Variants in INO80 observed in about 807,000 individuals in gnomAD.
The protein encoded by INO80 is chromatin-remodeling ATPase INO80.
Under a neutral mutation model 203.4 loss-of-function variants are expected in INO80, and 20 were observed. That is an observed-to-expected ratio of 0.10 (90% CI 0.07 to 0.14). The LOEUF is 0.14. Ranked by LOEUF, INO80 falls within the 10% of genes least tolerant of loss-of-function variation. INO80 has a pLI of 1.00. For missense variants in INO80, 1,419 were observed against 1,914.4 expected, an observed-to-expected ratio of 0.74 and a Z score of 4.83; for synonymous variants, 726 against 685.2, an observed-to-expected ratio of 1.06 and a Z score of -0.93.
At position 40,983,222 on chromosome 15, in the gene INO80, T is replaced by C. The variant is rs111853890; in HGVS notation, c.4238-145A>G. On this transcript the variant is annotated intron_variant, in intron 34 of 35. Transcript: ENST00000648947. ...TGAGGAGGTCTATGTCTCCACTTAA[T>C]GATGGCTAGACCACTGAGTCACACA... is the stretch of plus-strand genomic sequence containing the variant. 625 of 619,568 alleles carry C rather than the reference T, an allele frequency of 1.0e-3. 6 individuals are homozygous for C. The highest frequency in any genetic ancestry group is 9.8e-3 in the African/African-American group (532 of 54,394). The allele number at this position is 619,568 out of a possible 1,614,324, so 38.4% of individuals were successfully genotyped here.
chr15:41,039,665 T>A (rs1444871352), intron 24 of INO80, among the ~76,000 whole-genome samples: 2 of 152,222 alleles, frequency 1.3e-5, no homozygotes, highest in Non-Finnish European at 2.9e-5. Context: ...CAGTCTACAC[T>A]GGAGATTCAT....
chr15:41,003,057 T>C (rs1030363067), intron 28 of INO80, among the ~76,000 whole-genome samples: 1 of 151,646 alleles, frequency 6.6e-6, no homozygotes, highest in Admixed American at 6.6e-5. Flanking sequence ...GAGGTGGAGG[T>C]TGCAGTGAGC....
chr15:40,987,789 G>A (rs756888006), intron 30 of INO80, 27 bp downstream of exon 30: 13 of 1,602,880 alleles, frequency 8.1e-6, no homozygotes, highest in Non-Finnish European at 1.0e-5. Flanking sequence ...CTCCACCAGT[G>A]TAGGAATTTC....
chr15:41,021,281 T>C (rs758335775), intron 25 of INO80, among the ~76,000 whole-genome samples, 156 bp from the exon 26 acceptor site: 6 of 152,198 alleles, frequency 3.9e-5, no homozygotes, highest in Admixed American at 3.3e-4. Context: ...CCCTAATGAA[T>C]GACTTAGTGA....
At chr15:41,041,328 C>T (rs141161164) in intron 24 of INO80, among the ~76,000 whole-genome samples, 1,712 of 151,558 alleles carry the variant, frequency 0.011, 21 homozygotes, top group Non-Finnish European at 0.015. Flanking sequence ...TGGGCTCAAG[C>T]GATCATCCCG....
intron 28 of INO80, among the ~76,000 whole-genome samples, chr15:41,003,103 G>C (rs977226763): frequency 2.0e-5 from 3 of 151,562 alleles, no homozygotes; most frequent in Non-Finnish European, 1.5e-5. Context: ...CTGGGTGACA[G>C]AGCGAGACTC....
intron 27 of INO80, among the ~76,000 whole-genome samples, chr15:41,013,778 A>G (rs2044164703): frequency 6.6e-6 from 1 of 152,240 alleles, no homozygotes; most frequent in Non-Finnish European, 1.5e-5. Flanking sequence ...AAATAGTTGC[A>G]ACATTTTCTG....
intron 13 of INO80, among the ~76,000 whole-genome samples, chr15:41,070,168 G>A (rs968832085): frequency 6.6e-6 from 1 of 152,242 alleles, no homozygotes; most frequent in Admixed American, 6.5e-5. Context: ...TAAGAGTAGA[G>A]CTGAAATGTT....
chr15:41,037,014 A>G (rs1355402811), intron 24 of INO80, among the ~76,000 whole-genome samples: 2 of 152,114 alleles, frequency 1.3e-5, no homozygotes, highest in Non-Finnish European at 2.9e-5. Context: ...GAGGCAAGAG[A>G]ATCGCTCAAA....
At chr15:41,098,483 T>C (rs1447727755) in intron 1 of INO80, among the ~76,000 whole-genome samples, 3 of 152,022 alleles carry the variant, frequency 2.0e-5, no homozygotes, top group African/African-American at 7.3e-5. Flanking sequence ...AAGATCAACC[T>C]GGGCAACACA....
intron 4 of INO80, among the ~76,000 whole-genome samples, chr15:41,092,848 G>C (rs1463029887): frequency 1.3e-5 from 2 of 152,100 alleles, no homozygotes; most frequent in African/African-American, 2.4e-5. Context: ...CTTGAGGCCG[G>C]GAGTTCGAGA....
chr15:41,067,292 G>A (rs1195677049), intron 14 of INO80, among the ~76,000 whole-genome samples: 3 of 151,962 alleles, frequency 2.0e-5, no homozygotes, highest in Non-Finnish European at 4.4e-5. Flanking sequence ...GGCCAGGCTG[G>A]TCTTAAACTC....
chr15:41,064,429 G>A (rs1052342687), intron 14 of INO80, among the ~76,000 whole-genome samples: 3 of 152,104 alleles, frequency 2.0e-5, no homozygotes, highest in African/African-American at 7.2e-5. Context: ...GCCTAGGCTG[G>A]AGTACAGTGG....
chr15:41,008,308 G>A (rs1476174526), intron 27 of INO80, among the ~76,000 whole-genome samples: 5 of 151,930 alleles, frequency 3.3e-5, no homozygotes, highest in Non-Finnish European at 5.9e-5. Flanking sequence ...ACCTGATTCT[G>A]TTAAGTAAAA....
rs1482930810 is a variant in INO80, at chr15:41,101,707, G to A, written c.-43-5354C>T. The stretch of plus-strand genomic sequence containing the variant: ...TGGGACTGCAGGCGCCCGCCACAAC[G>A]CCTGGCTAAGTTTTTTTGTATTTTA... On this transcript the variant is annotated intron_variant, in intron 1 of 35. Transcript: ENST00000648947. 3.9e-5 allele frequency among the ~76,000 whole-genome samples: 6 copies of A among 151,926 alleles called. No homozygotes were observed. The East Asian group carries it at 1.2e-3, about 30-fold the overall frequency.
intron 1 of INO80, among the ~76,000 whole-genome samples, chr15:41,100,868 G>A (rs945933428): frequency 4.9e-5 from 7 of 142,350 alleles, no homozygotes; most frequent in East Asian, 2.0e-4. Context: ...TCCCTCTGTC[G>A]CCCAGGCTGG....
At chr15:40,982,171 G>C (rs1266276529) in intron 35 of INO80, among the ~76,000 whole-genome samples, 1 of 152,160 alleles carries the variant, frequency 6.6e-6, no homozygotes, top group Non-Finnish European at 1.5e-5. Flanking sequence ...GTTTTTGAGA[G>C]AGTCTTGCTC....
intron 20 of INO80, among the ~76,000 whole-genome samples, chr15:41,049,691 G>C (rs2044832131): frequency 6.6e-6 from 1 of 152,124 alleles, no homozygotes. Flanking sequence ...TTTGAGAGCA[G>C]CCTGACCAAC....
chr15:41,063,748 C>T (rs567910931), intron 14 of INO80, among the ~76,000 whole-genome samples: 41 of 151,584 alleles, frequency 2.7e-4, no homozygotes, highest in Non-Finnish European at 3.5e-4. Context: ...TCCAGCCTGG[C>T]GACAGATAGA....
Sources: gnomAD v4.1 joint callset for allele counts (sites outside exome capture counted in the v4.1 genomes callset) on GRCh38, gnomAD v4.1.1 for gene constraint, MANE v1.5 for transcripts, NCBI Gene and HGNC (gene_info 2026-07-23, HGNC 2026-07-21) for gene names.